Variants in LHX6 observed in about 807,000 individuals in gnomAD.
LHX6 encodes the protein LIM homeobox 6.
In LHX6, 15 loss-of-function variants were observed where a neutral mutation model predicts 47.1. That is an observed-to-expected ratio of 0.32 (90% CI 0.21 to 0.49). The LOEUF (loss-of-function observed/expected upper bound fraction) is 0.49, where lower values mean the gene tolerates loss of function less well. Among genes scored for constraint, LHX6 ranks in the 20% least tolerant of loss-of-function variants. LHX6 has a pLI of 0.99. For synonymous variants in LHX6, 242 were observed against 233.5 expected (o/e 1.04, Z -0.33); for missense variants, 404 against 539.6 (o/e 0.75, Z 2.49).
intron 9 of LHX6, among the ~76,000 whole-genome samples, chr9:122,206,509 A>G (rs1437961393): frequency 6.6e-6 from 1 of 152,206 alleles, no homozygotes; most frequent in Non-Finnish European, 1.5e-5. Flanking sequence ...AGGGAGAGAC[A>G]CTTTAATGCA....
intron 8 of LHX6, among the ~76,000 whole-genome samples, chr9:122,209,989 C>T (rs1830340968): frequency 6.6e-6 from 1 of 152,098 alleles, no homozygotes; most frequent in South Asian, 2.1e-4. Flanking sequence ...CATTCTCCTG[C>T]CTCAGCCTCC....
In LHX6 at chr9:122,204,441, G is replaced by A. The variant is rs1437773045; in HGVS notation, c.*319C>T. 4.4e-5 allele frequency: 17 copies of A among 389,808 alleles called. No homozygotes were observed. In the South Asian group the frequency reaches 4.8e-4, roughly 11 times the overall value. 24.1% of individuals were successfully genotyped at this position (389,808 alleles called of 1,614,324 possible). ...CGTTGGCATCGCACAATTCAATTCC[G>A]CCTTTTGTTATTGTAATCAGCTGAA... is the stretch of plus-strand genomic sequence containing the variant. On this transcript the variant is annotated 3_prime_UTR_variant, in exon 10 of 10. Transcript: ENST00000394319.
intron 5 of LHX6, among the ~76,000 whole-genome samples, chr9:122,216,047 T>A (rs976443650): frequency 2.0e-5 from 3 of 151,980 alleles, no homozygotes; most frequent in Non-Finnish European, 4.4e-5. Context: ...AGGGCCAAGG[T>A]GGTGTGGTAT....
intron 9 of LHX6, among the ~76,000 whole-genome samples, chr9:122,205,587 G>A (rs1365878856): frequency 6.6e-6 from 1 of 152,174 alleles, no homozygotes; most frequent in Non-Finnish European, 1.5e-5. Context: ...CATCTGGTGG[G>A]CATGACTACA....
At position 122,227,487 on chromosome 9, in the gene LHX6, G is replaced by GGGCCC; in HGVS notation, c.85-8_85-7insGGGCC. Reference sequence around the variant, plus strand: ...ACCCTGGCTGGGCCATCACCTGGGGGAGGGGGGGAGGGAACGCAGGCGGCG... The same window carrying GGGCCC: ...ACCCTGGCTGGGCCATCACCTGGGGGGGCCCAGGGGGGGAGGGAACGCAGGCGGCG... On this transcript the variant is annotated splice_region_variant and splice_polypyrimidine_tract_variant and intron_variant, in intron 1 of 9. Transcript: ENST00000394319. The GGGCCC allele has an allele frequency of 6.6e-7, 1 of 1,517,232 alleles. No homozygotes were observed. The highest frequency in any genetic ancestry group is 8.8e-7 in the Non-Finnish European group (1 of 1,133,710). 94.0% of individuals were successfully genotyped at this position (1,517,232 alleles called of 1,614,324 possible). A position where few individuals can be genotyped will look rare whatever the true frequency, so the allele number is the denominator to read the frequency against.
chr9:122,205,030 A>G lies in LHX6; in HGVS notation c.1159-250T>C, dbSNP rs115761185. Among the ~76,000 whole-genome samples, 1,311 of 152,334 alleles carry G rather than the reference A, an allele frequency of 8.6e-3. 20 individuals carry two copies. Among genetic ancestry groups the G allele is most frequent in the African/African-American group, 0.03 (1,239 of 41,578 alleles). On this transcript the variant is annotated intron_variant, in intron 9 of 9. Coordinates refer to ENST00000394319, the MANE Select transcript of LHX6 (RefSeq NM_014368.5). The stretch of plus-strand genomic sequence containing the variant: ...GAGAATCAGAGAGATTCAATGAGAT[A>G]CAACAGCAGCAGCAAAAGCCTTCTG...
chr9:122,227,595 C>T, intron 1 of LHX6, 115 bp from the exon 2 acceptor site: 1 of 1,386,240 alleles, frequency 7.2e-7, no homozygotes, highest in Non-Finnish European at 9.3e-7. Flanking sequence ...ACAATGAGTC[C>T]TAACTTTGTA....
chr9:122,225,920 C>T (rs753543997), intron 4 of LHX6, among the ~76,000 whole-genome samples: 2 of 152,142 alleles, frequency 1.3e-5, no homozygotes, highest in Non-Finnish European at 2.9e-5. Flanking sequence ...CCCAGCTCAG[C>T]GTCCAGCCCG....
chr9:122,225,613 C>T (rs1831061308), intron 4 of LHX6, among the ~76,000 whole-genome samples: 2 of 152,268 alleles, frequency 1.3e-5, no homozygotes, highest in South Asian at 4.1e-4. Context: ...ACTTCCCATC[C>T]TGGCGGCCTA....
chr9:122,217,320 G>A lies in LHX6; in HGVS notation c.462-32C>T, dbSNP rs1424168201. 4 of 1,567,944 alleles carry A rather than the reference G, an allele frequency of 2.6e-6. No homozygotes were observed. In the East Asian group the frequency reaches 6.8e-5, roughly 27 times the overall value. ...GTCGAGAGGACAGGCACGGGGTGTC[G>A]AGACTCAGACAGGCCAACCTTCCTC... On this transcript the variant is annotated intron_variant, in intron 4 of 9. Transcript: ENST00000394319. This position sits in a 1 kb window ranked among gnomAD's most constrained non-coding sequence, Gnocchi z 4.9.
At chr9:122,205,984 C>G (rs1236804587) in intron 9 of LHX6, among the ~76,000 whole-genome samples, 1 of 152,072 alleles carries the variant, frequency 6.6e-6, no homozygotes, top group African/African-American at 2.4e-5. Context: ...CTCCAGAATG[C>G]CTGGCTTTTA....
chr9:122,227,465 C>T lies in LHX6; in HGVS notation c.100G>A (p.Gly34Arg), dbSNP rs2118921251. 3 of 1,106,858 alleles carry T rather than the reference C, an allele frequency of 2.7e-6. No homozygotes were observed. Among genetic ancestry groups the T allele is most frequent in the South Asian group, 1.3e-5 (1 of 76,440 alleles). The allele number at this position is 1,106,858 out of a possible 1,614,324, so 68.6% of individuals were successfully genotyped here. ...CGGGTGGTCGCTTTGCAGCCGGACC[C>T]TGGCTGGGCCATCACCTGGGGGAGG... is the stretch of plus-strand genomic sequence containing the variant. ...PATDQVMAQPGSGCKATTRCL... is the reference protein window; with the variant it reads ...PATDQVMAQPRSGCKATTRCL... The change falls in exon 2 of 10, where the codon GGG becomes AGG. Residue 34 changes from glycine to arginine, a missense_variant. Gly to Arg is a moderately radical substitution (Grantham distance 125, BLOSUM62 -2). Transcript: ENST00000394319.
intron 1 of LHX6, 62 bp from the exon 2 acceptor site, chr9:122,227,542 G>A: frequency 2.7e-6 from 4 of 1,485,468 alleles, no homozygotes; most frequent in Non-Finnish European, 3.6e-6. Flanking sequence ...CGCACAGCCT[G>A]AGCCCAGCGC....
At position 122,214,667 on chromosome 9, in the gene LHX6, A is replaced by G. The variant is rs1206986291; in HGVS notation, c.683-284T>C. Among the ~76,000 whole-genome samples, 1 of 152,142 alleles carries G rather than the reference A, an allele frequency of 6.6e-6. No homozygotes were observed. Among genetic ancestry groups the G allele is most frequent in the Non-Finnish European group, 1.5e-5 (1 of 68,028 alleles). On this transcript the variant is annotated intron_variant, in intron 5 of 9. Coordinates refer to ENST00000394319, the MANE Select transcript of LHX6 (RefSeq NM_014368.5). This position sits in a 1 kb window ranked among gnomAD's most constrained non-coding sequence, Gnocchi z 4.6. ...GGGAGGAAACTGAGGCTCAGAGAGA[A>G]GGAAAGCCCCTGCCCTGGCCCTTTC...
rs920254359 is a variant in LHX6, at chr9:122,213,393, G to A, written c.1054+213C>T. On this transcript the variant is annotated intron_variant, in intron 8 of 9. Transcript: ENST00000394319. The surrounding 1 kb of genome is among the most constrained non-coding windows in gnomAD (Gnocchi z 5.5). The stretch of plus-strand genomic sequence containing the variant: ...TTTTTGAATGGCTGCTGAATCGCTT[G>A]CCTCTATGAAGGATCCCGCTCCACT... 1.3e-5 allele frequency among the ~76,000 whole-genome samples: 2 copies of A among 152,136 alleles called. No homozygotes were observed. The highest frequency in any genetic ancestry group is 4.1e-4 in the South Asian group (2 of 4,834).
rs1170658013 is a variant in LHX6, at chr9:122,226,541, T to C, written c.340-44A>G. 2 of 1,595,220 alleles carry C rather than the reference T, an allele frequency of 1.3e-6. No homozygotes were observed. Among genetic ancestry groups the C allele is most frequent in the South Asian group, 2.3e-5 (2 of 88,806 alleles). On this transcript the variant is annotated intron_variant, in intron 3 of 9. Coordinates refer to ENST00000394319, the MANE Select transcript of LHX6 (RefSeq NM_014368.5). This position sits in a 1 kb window ranked among gnomAD's most constrained non-coding sequence, Gnocchi z 6.5. ...CGGAGGTCGGCTCAGCGCGGGCCTC[T>C]TTCACTCCGGGCCCCAGCCTTCCCG... is the stretch of plus-strand genomic sequence containing the variant.
In LHX6 at chr9:122,217,571, CAA is replaced by C. The variant is rs1830642414; in HGVS notation, c.462-285_462-284del. On this transcript the variant is annotated intron_variant, in intron 4 of 9. Transcript: ENST00000394319. This position sits in a 1 kb window ranked among gnomAD's most constrained non-coding sequence, Gnocchi z 4.9. Reference sequence around the variant, plus strand: ...TAATTTGTTTGTTAAAAATACATCACAAGTTAGAAAAAACACAATAATAGTAA... The same window carrying C: ...TAATTTGTTTGTTAAAAATACATCACGTTAGAAAAAACACAATAATAGTAA... Among the ~76,000 whole-genome samples the C allele has an allele frequency of 1.3e-5, 2 of 152,188 alleles. No individual in the cohort carries two copies. Among genetic ancestry groups the C allele is most frequent in the African/African-American group, 4.8e-5 (2 of 41,440 alleles).
At chr9:122,222,491 C>G (rs1371524244) in intron 4 of LHX6, among the ~76,000 whole-genome samples, 1 of 151,994 alleles carries the variant, frequency 6.6e-6, no homozygotes, top group Non-Finnish European at 1.5e-5. Context: ...TGGTAAGGAC[C>G]CTGTTTAGAG....
Position 122,228,764 on chromosome 9 carries a change from CGGGCGCGCAGCGCG to C in LHX6, c.-38_-25del, listed in dbSNP as rs1274050462. 1 of 1,238,956 alleles carries C rather than the reference CGGGCGCGCAGCGCG, an allele frequency of 8.1e-7. No homozygotes were observed. The highest frequency in any genetic ancestry group is 1.6e-5 in the African/African-American group (1 of 64,022). The allele number at this position is 1,238,956 out of a possible 1,614,324, so 76.7% of individuals were successfully genotyped here. A position where few individuals can be genotyped will look rare whatever the true frequency, so the allele number is the denominator to read the frequency against. ...ATGGGCCGGGGAACCTCGGGCTCAG[CGGGCGCGCAGCGCG>C]GAGAGCTGCGCCGAGGGGGACCACA... On this transcript the variant is annotated 5_prime_UTR_variant, in exon 1 of 10. Coordinates refer to ENST00000394319, the MANE Select transcript of LHX6 (RefSeq NM_014368.5).
Sources: allele counts gnomAD v4.1 joint callset (sites outside exome capture counted in the v4.1 genomes callset), GRCh38; gene constraint gnomAD v4.1.1; non-coding constraint Gnocchi (gnomAD v3.1); transcripts MANE v1.5; gene names NCBI Gene and HGNC (gene_info 2026-07-23, HGNC 2026-07-21).